The following ROBO2 variants were observed in gnomAD, a reference collection of about 807,000 sequenced individuals.
ROBO2 encodes roundabout guidance receptor 2, also known as roundabout homolog 2.
Under a neutral mutation model 160.8 loss-of-function variants are expected in ROBO2, and 53 were observed. That is an observed-to-expected ratio of 0.33 (90% CI 0.26 to 0.41). ROBO2 has a LOEUF of 0.41. Ranked by LOEUF, ROBO2 falls within the 10% of genes least tolerant of loss-of-function variation. The probability of loss-of-function intolerance (pLI) is 1.00; values close to 1 mark genes in which losing one functional copy is unlikely to be tolerated. For missense variants in ROBO2, 1,577 were observed against 1,722.4 expected (o/e 0.92, Z 1.49); for synonymous variants, 664 against 611.7 (o/e 1.09, Z -1.26).
At chr3:75,981,211 T>C (rs2065264910) in intron 2 of ROBO2, among the ~76,000 whole-genome samples, 1 of 151,480 alleles carries the variant, frequency 6.6e-6, no homozygotes, top group Non-Finnish European at 1.5e-5. Context: ...GGTGAAGAAA[T>C]TGGGCAAAAT....
chr3:76,565,188 C>G (rs549809533), intron 2 of ROBO2, among the ~76,000 whole-genome samples: 1 of 152,224 alleles, frequency 6.6e-6, no homozygotes, highest in South Asian at 2.1e-4. Flanking sequence ...GATTTCAATG[C>G]CTTAAGCTGT....
chr3:76,280,354 G>T lies in ROBO2; in HGVS notation c.109+342752G>T, dbSNP rs1386668685. ...TAATTAAGGTTAAATGAATTCATAA[G>T]GGCAAAGCATTAAACTGTGGCCTTC... On this transcript the variant is annotated intron_variant, in intron 2 of 26. Transcript: ENST00000487694. 3.9e-5 allele frequency among the ~76,000 whole-genome samples: 6 copies of T among 151,934 alleles called. No homozygotes were observed. The Admixed American group carries it at 3.9e-4, about 10-fold the overall frequency.
At chr3:77,278,001 T>C (rs1462243650) in intron 2 of ROBO2, among the ~76,000 whole-genome samples, 2 of 152,206 alleles carry the variant, frequency 1.3e-5, no homozygotes, top group Non-Finnish European at 2.9e-5. Context: ...ATCACCATTC[T>C]GACTGGCATG....
intron 2 of ROBO2, among the ~76,000 whole-genome samples, chr3:76,269,204 T>C (rs1707277593): frequency 6.6e-6 from 1 of 152,118 alleles, no homozygotes; most frequent in Non-Finnish European, 1.5e-5. Context: ...TAATTGCTTG[T>C]AGTGATGGAT....
At chr3:76,898,331 C>A (rs2074968553) in intron 2 of ROBO2, among the ~76,000 whole-genome samples, 1 of 151,964 alleles carries the variant, frequency 6.6e-6, no homozygotes, top group African/African-American at 2.4e-5. Context: ...TTAAGATAAA[C>A]AGTGCCAACA....
At chr3:76,107,409 A>G (rs1576887695) in intron 2 of ROBO2, among the ~76,000 whole-genome samples, 1 of 152,096 alleles carries the variant, frequency 6.6e-6, no homozygotes, top group African/African-American at 2.4e-5. Flanking sequence ...TTCAAAATAT[A>G]CTCTAGAACA....
At chr3:77,578,167 T>C (rs571604724) in intron 15 of ROBO2, among the ~76,000 whole-genome samples, 1 of 152,220 alleles carries the variant, frequency 6.6e-6, no homozygotes, top group East Asian at 1.9e-4. Context: ...CAGTTGATTG[T>C]CTCATTTTTC....
At chr3:76,040,341 A>G (rs1238815123) in intron 2 of ROBO2, among the ~76,000 whole-genome samples, 2 of 151,910 alleles carry the variant, frequency 1.3e-5, no homozygotes, top group Non-Finnish European at 2.9e-5. Flanking sequence ...TAACAAAAAT[A>G]GTGGCCCTAA....
chr3:77,103,139 G>T (rs182813846), intron 2 of ROBO2, among the ~76,000 whole-genome samples: 32 of 152,322 alleles, frequency 2.1e-4, no homozygotes, highest in African/African-American at 7.5e-4. Context: ...TGCCTGTGAT[G>T]CAGCTGAGTC....
At chr3:76,774,492 T>C (rs2062109569) in intron 2 of ROBO2, among the ~76,000 whole-genome samples, 2 of 151,032 alleles carry the variant, frequency 1.3e-5, no homozygotes, top group South Asian at 4.1e-4. Context: ...TCCCATTTTC[T>C]GGTGAATCAT....
intron 2 of ROBO2, among the ~76,000 whole-genome samples, chr3:76,689,474 G>T (rs1166476450): frequency 6.6e-6 from 1 of 151,968 alleles, no homozygotes; most frequent in African/African-American, 2.4e-5. Context: ...TTGTCTTTGT[G>T]TTGGGAAAAT....
intron 2 of ROBO2, among the ~76,000 whole-genome samples, chr3:77,228,489 TG>T (rs1356416293): frequency 2.6e-5 from 4 of 152,074 alleles, no homozygotes; most frequent in African/African-American, 9.7e-5. Context: ...TGTGGTTGTT[TG>T]TTTTTTTCTT....
At chr3:76,026,582 T>A (rs768999575) in intron 2 of ROBO2, among the ~76,000 whole-genome samples, 11 of 152,072 alleles carry the variant, frequency 7.2e-5, no homozygotes, top group Non-Finnish European at 1.2e-4. Flanking sequence ...TATGAATGAT[T>A]TCTGTAGACA....
chr3:77,627,904 A>C (rs2095064771), intron 23 of ROBO2, among the ~76,000 whole-genome samples: 1 of 152,234 alleles, frequency 6.6e-6, no homozygotes, highest in South Asian at 2.1e-4. Flanking sequence ...AGCATTTATC[A>C]GCAAGGAAAG....
exon 11 of ROBO2, chr3:77,563,210 G>C: frequency 6.2e-7 from 1 of 1,613,482 alleles, no homozygotes; most frequent in South Asian, 1.1e-5. Flanking sequence ...TAAGTGACCT[G>C]CCAGGGCCAC....
intron 2 of ROBO2, among the ~76,000 whole-genome samples, chr3:76,458,468 C>T (rs992278865): frequency 1.3e-5 from 2 of 152,152 alleles, no homozygotes; most frequent in African/African-American, 4.8e-5. Context: ...TTCAACATGT[C>T]TCTAGGAAAT....
At position 76,283,152 on chromosome 3, in the gene ROBO2, A is replaced by AT. The variant is rs1198566368; in HGVS notation, c.109+345550_109+345551insT. 6.7e-3 allele frequency among the ~76,000 whole-genome samples: 880 copies of AT among 130,816 alleles called. 28 individuals carry two copies. Among genetic ancestry groups the AT allele is most frequent in the African/African-American group, 0.021 (752 of 36,598 alleles). The allele number at this position is 130,816 out of a possible 152,430, so 85.8% of individuals were successfully genotyped here. Reference sequence around the variant, plus strand: ...TATAAAACTGTATATATATATATATAAAACTACATATATATAGTGACCCCT... The same window carrying AT: ...TATAAAACTGTATATATATATATATATAAACTACATATATATAGTGACCCCT... On this transcript the variant is annotated intron_variant, in intron 2 of 26. Coordinates refer to the ROBO2 transcript ENST00000487694.
At chr3:76,867,010 G>C (rs1271337374) in intron 2 of ROBO2, among the ~76,000 whole-genome samples, 1 of 152,174 alleles carries the variant, frequency 6.6e-6, no homozygotes, top group East Asian at 1.9e-4. Flanking sequence ...ATCTGACAAC[G>C]TAACAGTAGC....
intron 2 of ROBO2, among the ~76,000 whole-genome samples, chr3:76,749,984 G>A (rs1369419024): frequency 6.6e-6 from 1 of 152,052 alleles, no homozygotes; most frequent in Admixed American, 6.6e-5. Context: ...GCCGGGCAGA[G>A]ACACAACAGA....
Sources: gnomAD v4.1 joint callset for allele counts (sites outside exome capture counted in the v4.1 genomes callset) on GRCh38, gnomAD v4.1.1 for gene constraint, MANE v1.5 for transcripts, NCBI Gene and HGNC (gene_info 2026-07-23, HGNC 2026-07-21) for gene names.